The following NUCB1 variants were observed in gnomAD, a reference collection of about 807,000 sequenced individuals.
The protein encoded by NUCB1 is nucleobindin 1, also known as nucleobindin-1.
NUCB1 carries 47 observed loss-of-function variants against 61.2 expected under a neutral mutation model. The observed-to-expected ratio is 0.77, with a 90% CI of 0.61 to 0.98. The LOEUF (loss-of-function observed/expected upper bound fraction) is 0.98. Ranked by LOEUF, NUCB1 falls within the 50% of genes least tolerant of loss-of-function variation. The pLI, the probability that NUCB1 is intolerant of heterozygous loss-of-function variation, is 0.00. For synonymous variants in NUCB1, 234 were observed against 243.1 expected (o/e 0.96, Z 0.35); for missense variants, 583 against 605.3 (o/e 0.96, Z 0.39).
chr19:48,910,805 A>G, intron 4 of NUCB1: 1 of 200,952 alleles, frequency 5.0e-6, no homozygotes. Context: ...CAACCCCTCA[A>G]GGGGTCTCAG....
At chr19:48,911,021 GC>G in intron 4 of NUCB1, 127 bp from the exon 5 acceptor site, 2 of 633,144 alleles carry the variant, frequency 3.2e-6, no homozygotes, top group Admixed American at 2.6e-5. Flanking sequence ...TTCCCTGATT[GC>G]CCCAGGTTCA....
rs113520879 is a variant in NUCB1, at chr19:48,922,280, G to A, written c.1280-38G>A. The A allele has an allele frequency of 2.2e-3, 3,502 of 1,561,940 alleles. 68 individuals are homozygous for A. The African/African-American group carries it at 0.034, about 15-fold the overall frequency. ...TGGGGTCCTGGGGGAGGAGGGGTTC[G>A]GATGTCCTGTGCCACCATTCCCTCC... On this transcript the variant is annotated intron_variant, in intron 12 of 12. Transcript: ENST00000405315.
intron 3 of NUCB1, among the ~76,000 whole-genome samples, chr19:48,905,217 T>A (rs768677888): frequency 6.6e-6 from 1 of 152,208 alleles, no homozygotes; most frequent in Admixed American, 6.6e-5. Context: ...AGAATGCTCC[T>A]ATGGTGCCTT....
chr19:48,908,033 G>T lies in NUCB1; in HGVS notation c.376+2148G>T, dbSNP rs114843352. 4.5e-3 allele frequency among the ~76,000 whole-genome samples: 692 copies of T among 152,300 alleles called. 6 individuals are homozygous for T. The highest frequency in any genetic ancestry group is 0.015 in the African/African-American group (643 of 41,578). On this transcript the variant is annotated intron_variant, in intron 4 of 12. Transcript: ENST00000405315. ...CGCCCCGGCTGTCCTGTGTGAAGGAGCCTCTGTGTTATTTGTGTCCTTGGT... is the reference window on the plus strand; with the variant it reads ...CGCCCCGGCTGTCCTGTGTGAAGGATCCTCTGTGTTATTTGTGTCCTTGGT...
intron 1 of NUCB1, 181 bp from the exon 2 acceptor site, chr19:48,900,605 A>C: frequency 1.3e-6 from 1 of 764,624 alleles, no homozygotes; most frequent in Non-Finnish European, 2.1e-6. Context: ...CTGAGGGCCC[A>C]GACTCCTGTG....
chr19:48,913,327 G>A (rs2037500844), intron 6 of NUCB1, 131 bp downstream of exon 6: 1 of 1,204,888 alleles, frequency 8.3e-7, no homozygotes, highest in Non-Finnish European at 1.2e-6. Flanking sequence ...GTACCTGGCT[G>A]CCCCAGGGTC....
At chr19:48,902,272 A>G (rs1415972558) in intron 2 of NUCB1, among the ~76,000 whole-genome samples, 4 of 151,806 alleles carry the variant, frequency 2.6e-5, no homozygotes, top group Non-Finnish European at 2.9e-5. Flanking sequence ...CACCACGCCC[A>G]TCTAATTTTT....
chr19:48,914,473 C>T (rs906024557), intron 7 of NUCB1, among the ~76,000 whole-genome samples: 7 of 152,182 alleles, frequency 4.6e-5, no homozygotes, highest in African/African-American at 1.7e-4. Context: ...CCTCTAAGGA[C>T]CAAGCTTTGT....
At chr19:48,917,255 C>T (rs372681738) in intron 7 of NUCB1, among the ~76,000 whole-genome samples, 1 of 152,074 alleles carries the variant, frequency 6.6e-6, no homozygotes, top group Non-Finnish European at 1.5e-5. Flanking sequence ...CTTATTTAAT[C>T]TTTTTAATCA....
chr19:48,915,245 T>A (rs1489117799), intron 7 of NUCB1, among the ~76,000 whole-genome samples: 5 of 151,740 alleles, frequency 3.3e-5, no homozygotes, highest in African/African-American at 1.2e-4. Context: ...TTGGGAGGCC[T>A]AGGCGGGTGG....
chr19:48,911,848 A>C (rs2037477698), intron 5 of NUCB1, among the ~76,000 whole-genome samples: 1 of 151,996 alleles, frequency 6.6e-6, no homozygotes, highest in Non-Finnish European at 1.5e-5. Context: ...TATACTGTTC[A>C]ACCTGGTATT....
intron 3 of NUCB1, 43 bp from the exon 4 acceptor site, chr19:48,905,708 CAG>C (rs1600053799): frequency 2.5e-6 from 4 of 1,610,456 alleles, no homozygotes; most frequent in Non-Finnish European, 8.5e-7. Context: ...CCAGAGAAGA[CAG>C]AGAGCAGGCC....
chr19:48,910,985 C>T (rs751120265), intron 4 of NUCB1, 164 bp from the exon 5 acceptor site: 3 of 587,322 alleles, frequency 5.1e-6, no homozygotes, highest in Non-Finnish European at 6.1e-6. Context: ...CAGACTCAGT[C>T]GTGGGATCAC....
At chr19:48,909,245 TA>T (rs201738464) in intron 4 of NUCB1, among the ~76,000 whole-genome samples, 1,783 of 132,014 alleles carry the variant, frequency 0.014, 34 homozygotes, top group African/African-American at 0.067. Flanking sequence ...TTATTATTAT[TA>T]TTATTTTTTT....
intron 5 of NUCB1, among the ~76,000 whole-genome samples, chr19:48,912,654 G>A (rs113812190): frequency 2.0e-5 from 3 of 152,012 alleles, no homozygotes; most frequent in Non-Finnish European, 4.4e-5. Flanking sequence ...TGGCCAACAT[G>A]GTGAAACCTC....
Position 48,919,027 on chromosome 19 carries a change from C to T in NUCB1, c.817-3C>T, listed in dbSNP as rs373268138. 3 of 1,613,476 alleles carry T rather than the reference C, an allele frequency of 1.9e-6. No homozygotes were observed. In the African/African-American group the frequency reaches 4.0e-5, roughly 22 times the overall value. On this transcript the variant is annotated splice_region_variant and splice_polypyrimidine_tract_variant and intron_variant, in intron 8 of 12. Coordinates refer to ENST00000405315, the MANE Select transcript of NUCB1 (RefSeq NM_006184.6). ...GCTGTCTGCCTCTCGCTTGCTCCTGCAGCTGGAGAAAGTGTACGACCCAAA... is the reference window on the plus strand; with the variant it reads ...GCTGTCTGCCTCTCGCTTGCTCCTGTAGCTGGAGAAAGTGTACGACCCAAA...
At chr19:48,920,087 T>G (rs2037592287) in intron 10 of NUCB1, among the ~76,000 whole-genome samples, 1 of 94,520 alleles carries the variant, frequency 1.1e-5, no homozygotes, top group East Asian at 3.2e-4. Context: ...TTTTGTATTT[T>G]TTGGTAGAGA....
chr19:48,910,118 C>T (rs1310276168), intron 4 of NUCB1, among the ~76,000 whole-genome samples: 1 of 152,002 alleles, frequency 6.6e-6, no homozygotes, highest in Admixed American at 6.6e-5. Context: ...CTCACTCTGT[C>T]ACCAGGCTGG....
At chr19:48,912,951 G>A in intron 5 of NUCB1, 60 bp from the exon 6 acceptor site, 1 of 1,394,796 alleles carries the variant, frequency 7.2e-7, no homozygotes, top group Non-Finnish European at 9.7e-7. Flanking sequence ...GCCATTTACA[G>A]GCTGGAATTG....
Sources: gnomAD v4.1 joint callset for allele counts (sites outside exome capture counted in the v4.1 genomes callset) on GRCh38, gnomAD v4.1.1 for gene constraint, MANE v1.5 for transcripts, NCBI Gene and HGNC (gene_info 2026-07-23, HGNC 2026-07-21) for gene names.